Variants in ZFHX2 observed in about 807,000 individuals in gnomAD.
The protein encoded by ZFHX2 is zinc finger homeobox protein 2.
A neutral mutation model predicts 164.8 loss-of-function variants in ZFHX2; 75 were observed. The ratio of observed to expected loss-of-function variants is 0.46; its 90% CI spans 0.38 to 0.55. The LOEUF is 0.55. Among genes scored for constraint, ZFHX2 ranks in the 20% least tolerant of loss-of-function variants. The pLI, the probability that ZFHX2 is intolerant of heterozygous loss-of-function variation, is 0.00. For missense variants in ZFHX2, 2,933 were observed against 3,308.0 expected (o/e 0.89, Z 2.78); for synonymous variants, 1,217 against 1,351.4 (o/e 0.90, Z 2.18).
At position 23,524,954 on chromosome 14, in the gene ZFHX2, C is replaced by G. The variant is rs1566574320; in HGVS notation, c.4988G>C (p.Gly1663Ala). ...GCCGGAGGCTCCCCCAGTGCCTCCT[C>G]CGGTTGGCATGGACCCACCCTCACA... ...NACEGGSMPT[G>A]GGTGGASGCR... is the part of the protein sequence containing the mutation. Residue 1663 changes from glycine (G) to alanine (A), a missense_variant, in exon 9 of 10, where the codon GGA becomes GCA. Physicochemically the swap from Gly to Ala is moderately conservative, Grantham distance 60. Coordinates refer to ENST00000419474, the MANE Select transcript of ZFHX2 (RefSeq NM_033400.3). The surrounding 1 kb of genome is among the most constrained non-coding windows in gnomAD (Gnocchi z 5.6). 6.5e-7 allele frequency: 1 copy of G among 1,536,268 alleles called. No homozygotes were observed. The highest frequency in any genetic ancestry group is 8.7e-7 in the Non-Finnish European group (1 of 1,146,922).
Position 23,523,733 on chromosome 14 carries a change from G to A in ZFHX2, c.6209C>T (p.Thr2070Ile). 6.5e-7 allele frequency: 1 copy of A among 1,536,296 alleles called. No individual in the cohort carries two copies. The highest frequency in any genetic ancestry group is 8.7e-7 in the Non-Finnish European group (1 of 1,146,942). The change falls in exon 9 of 10, where the codon ACC becomes ATC. Residue 2070 changes from threonine to isoleucine, a missense_variant. Thr to Ile is a moderately conservative substitution (Grantham distance 89, BLOSUM62 -1). Coordinates refer to ENST00000419474, the MANE Select transcript of ZFHX2 (RefSeq NM_033400.3). This position sits in a 1 kb window ranked among gnomAD's most constrained non-coding sequence, Gnocchi z 4.1. ...PDGMGQRRYR[T>I]QMSSLQLKIM... ...CTTCAGCTGCAGGCTGCTCATCTGGGTCCTGTAGCGCCGCTGCCCCATTCC... is the reference window on the plus strand; with the variant it reads ...CTTCAGCTGCAGGCTGCTCATCTGGATCCTGTAGCGCCGCTGCCCCATTCC...
chr14:23,524,013 G>T lies in ZFHX2; in HGVS notation c.5929C>A (p.Pro1977Thr), dbSNP rs1284292142. ...PYPTATLASG[P>T]QPFLPPGKEA... ...TTCCCAGGTGGTAGGAAAGGCTGGGGCCCAGAAGCAAGCGTGGCAGTGGGG... is the reference window on the plus strand; with the variant it reads ...TTCCCAGGTGGTAGGAAAGGCTGGGTCCCAGAAGCAAGCGTGGCAGTGGGG... The change falls in exon 9 of 10, where the codon CCC (proline) becomes ACC (threonine). Residue 1977 changes from proline to threonine, a missense_variant. By Grantham distance (38) the Pro-to-Thr change is conservative. Transcript: ENST00000419474. This position sits in a 1 kb window ranked among gnomAD's most constrained non-coding sequence, Gnocchi z 5.6. 6.6e-7 allele frequency: 1 copy of T among 1,518,700 alleles called. No individual in the cohort carries two copies. Among genetic ancestry groups the T allele is most frequent in the Admixed American group, 2.0e-5 (1 of 49,342 alleles). 94.1% of individuals were successfully genotyped at this position (1,518,700 alleles called of 1,614,324 possible). A position where few individuals can be genotyped will look rare whatever the true frequency, so the allele number is the denominator to read the frequency against.
chr14:23,524,903 G>A lies in ZFHX2; in HGVS notation c.5039C>T (p.Ser1680Phe). 1 of 1,536,310 alleles carries A rather than the reference G, an allele frequency of 6.5e-7. No individual in the cohort carries two copies. Among genetic ancestry groups the A allele is most frequent in the Non-Finnish European group, 8.7e-7 (1 of 1,146,944 alleles). The stretch of plus-strand genomic sequence containing the variant: ...GTGGCGCACCAACTCAAAAACACAG[G>A]AGAAAGTGGCGTGGCAACGCCTGCA... Reference protein sequence around the residue: ...SGCRRCHATFSCVFELVRHLK... With the variant: ...SGCRRCHATFFCVFELVRHLK... The change falls in exon 9 of 10, where the codon TCC becomes TTC. Residue 1680 changes from serine to phenylalanine, a missense_variant. Coordinates refer to ENST00000419474, the MANE Select transcript of ZFHX2 (RefSeq NM_033400.3). This position sits in a 1 kb window ranked among gnomAD's most constrained non-coding sequence, Gnocchi z 5.6.
At chr14:23,527,503 C>G in intron 7 of ZFHX2, 101 bp downstream of exon 7, 1 of 1,440,698 alleles carries the variant, frequency 6.9e-7, no homozygotes. Context: ...TGCCCCCTGC[C>G]CCCAACACAT....
Position 23,521,888 on chromosome 14 carries a change from C to A in ZFHX2, c.*74G>T. The stretch of plus-strand genomic sequence containing the variant: ...CAGGGGGTGGGGTGAGGGATTTGAG[C>A]TCCCACCGAACACCCCTTGGGGTAA... On this transcript the variant is annotated 3_prime_UTR_variant, in exon 10 of 10. Transcript: ENST00000419474. 1.3e-6 allele frequency: 2 copies of A among 1,516,366 alleles called. No individual in the cohort carries two copies. The highest frequency in any genetic ancestry group is 2.0e-5 in the Admixed American group (1 of 48,910). The allele number at this position is 1,516,366 out of a possible 1,614,324, so 93.9% of individuals were successfully genotyped here.
upstream of ZFHX2, among the ~76,000 whole-genome samples, chr14:23,553,095 G>A (rs79722534): frequency 0.014 from 2,174 of 152,296 alleles, 31 homozygotes; most frequent in Non-Finnish European, 0.024. Flanking sequence ...CAATAAGTAA[G>A]TGACAGTGCC....
intron 1 of ZFHX2, among the ~76,000 whole-genome samples, chr14:23,549,492 T>G (rs1282405851): frequency 6.6e-6 from 1 of 152,140 alleles, no homozygotes; most frequent in Non-Finnish European, 1.5e-5. Flanking sequence ...CTAAATGAAC[T>G]TGGCTCCTTA....
In ZFHX2 at chr14:23,551,652, GCCTCCT is replaced by G. The variant is rs891960070; in HGVS notation, c.-365_-360del. 5 of 154,190 alleles carry G rather than the reference GCCTCCT, an allele frequency of 3.2e-5. No individual in the cohort carries two copies. Among genetic ancestry groups the G allele is most frequent in the East Asian group, 1.9e-4 (1 of 5,204 alleles). 9.6% of individuals were successfully genotyped at this position (154,190 alleles called of 1,614,324 possible). A position where few individuals can be genotyped will look rare whatever the true frequency, so the allele number is the denominator to read the frequency against. On this transcript the variant is annotated 5_prime_UTR_variant, in exon 1 of 10. Transcript: ENST00000419474. This position sits in a 1 kb window ranked among gnomAD's most constrained non-coding sequence, Gnocchi z 5.3. ...CACCCTGGGCACTCGCTCGCTCCCT[GCCTCCT>G]CCTCCTCCTCCTCCTTCTCCTCCTC...
rs557669555 is a variant in ZFHX2, at chr14:23,546,636, A to G, written c.-50+4707T>C. Among the ~76,000 whole-genome samples the G allele has an allele frequency of 3.5e-4, 53 of 152,292 alleles. No individual in the cohort carries two copies. In the South Asian group the frequency reaches 1.0e-2, roughly 29 times the overall value. On this transcript the variant is annotated intron_variant, in intron 1 of 9. Coordinates refer to ENST00000419474, the MANE Select transcript of ZFHX2 (RefSeq NM_033400.3). The surrounding 1 kb of genome is among the most constrained non-coding windows in gnomAD (Gnocchi z 4.7). Reference sequence around the variant, plus strand: ...GCCTGGGGAGGAGGGATGGGCAGGCAGTTCCCTAGGACTTTCCCCAGAGAG... The same window carrying G: ...GCCTGGGGAGGAGGGATGGGCAGGCGGTTCCCTAGGACTTTCCCCAGAGAG...
At chr14:23,544,703 TCTCGTTACA>T (rs1351852975) in intron 1 of ZFHX2, among the ~76,000 whole-genome samples, 2 of 152,120 alleles carry the variant, frequency 1.3e-5, no homozygotes, top group African/African-American at 4.8e-5. Context: ...ATGAGTGTGA[TCTCGTTACA>T]CTCTCGCTGC....
rs2138803939 is a variant in ZFHX2 at position 23,535,794 on chromosome 14, G to A, written c.-49-420C>T. On this transcript the variant is annotated intron_variant, in intron 1 of 9. Coordinates refer to ENST00000419474, the MANE Select transcript of ZFHX2 (RefSeq NM_033400.3). The surrounding 1 kb of genome is among the most constrained non-coding windows in gnomAD (Gnocchi z 4.5). ...TTTAGTAGAGACGGGGTTTCTCCGT[G>A]TTGGTCAGGCTGGTCTCTAACTCCC... 6.6e-6 allele frequency among the ~76,000 whole-genome samples: 1 copy of A among 152,182 alleles called. No homozygotes were observed. Among genetic ancestry groups the A allele is most frequent in the Middle Eastern group, 3.4e-3 (1 of 292 alleles).
intron 1 of ZFHX2, chr14:23,543,882 T>G (rs1881088650): frequency 6.6e-6 from 1 of 151,976 alleles, no homozygotes; most frequent in Non-Finnish European, 1.5e-5. Flanking sequence ...CAGACAGACC[T>G]GGAATCAAAT....
upstream of ZFHX2, among the ~76,000 whole-genome samples, chr14:23,553,523 CG>C (rs201873180): frequency 0.011 from 1,683 of 151,306 alleles, 39 homozygotes; most frequent in African/African-American, 0.039. Context: ...CGCTTGAACC[CG>C]GGGGGCAGAG....
upstream of ZFHX2, among the ~76,000 whole-genome samples, chr14:23,554,453 A>C (rs931688201): frequency 1.3e-5 from 2 of 151,960 alleles, no homozygotes; most frequent in African/African-American, 4.8e-5. Flanking sequence ...ATCGTAGCTC[A>C]CTGCCCTTGA....
Position 23,524,137 on chromosome 14 carries a change from G to A in ZFHX2, c.5805C>T (p.Ala1935=). ...PSPAVKPPAT[A]TPASLPKFNL... is the part of the protein sequence containing the mutation. ...TGAACTTGGGCAAGGATGCAGGGGT[G>A]GCTGTGGCAGGCGGTTTCACTGCTG... Residue 1935 remains alanine, a synonymous_variant, in exon 9 of 10, where the codon GCC becomes GCT. Coordinates refer to ENST00000419474, the MANE Select transcript of ZFHX2 (RefSeq NM_033400.3). This position sits in a 1 kb window ranked among gnomAD's most constrained non-coding sequence, Gnocchi z 5.6. 6.5e-7 allele frequency: 1 copy of A among 1,536,016 alleles called. No individual in the cohort carries two copies. The highest frequency in any genetic ancestry group is 8.7e-7 in the Non-Finnish European group (1 of 1,146,840).
At position 23,533,361 on chromosome 14, in the gene ZFHX2, G is replaced by C. The variant is rs1390036160; in HGVS notation, c.1965C>G (p.Asp655Glu). The C allele has an allele frequency of 1.4e-6, 2 of 1,445,086 alleles. No homozygotes were observed. Among genetic ancestry groups the C allele is most frequent in the African/African-American group, 2.9e-5 (2 of 69,938 alleles). The allele number at this position is 1,445,086 out of a possible 1,614,324, so 89.5% of individuals were successfully genotyped here. A position where few individuals can be genotyped will look rare whatever the true frequency, so the allele number is the denominator to read the frequency against. The part of the protein sequence containing the change: ...TPLAGPGLRP[D>E]KPLEAQLLLN... The stretch of plus-strand genomic sequence containing the variant: ...GAAGTAGCTGGGCTTCCAGGGGCTT[G>C]TCTGGCCTCAGCCCCGGGCCAGCCA... Residue 655 changes from aspartate (D) to glutamate (E), a missense_variant, in exon 2 of 10, where the codon GAC becomes GAG. Coordinates refer to ENST00000419474, the MANE Select transcript of ZFHX2 (RefSeq NM_033400.3). This position sits in a 1 kb window ranked among gnomAD's most constrained non-coding sequence, Gnocchi z 4.8.
rs201784840 is a variant in ZFHX2, at chr14:23,524,433, C to G, written c.5509G>C (p.Gly1837Arg). 1 of 1,536,060 alleles carries G rather than the reference C, an allele frequency of 6.5e-7. No homozygotes were observed. Among genetic ancestry groups the G allele is most frequent in the Non-Finnish European group, 8.7e-7 (1 of 1,146,802 alleles). The change falls in exon 9 of 10, where the codon GGC becomes CGC. Residue 1837 changes from glycine (G) to arginine (R), a missense_variant. By Grantham distance (125) the Gly-to-Arg change is moderately radical. Transcript: ENST00000419474. This position sits in a 1 kb window ranked among gnomAD's most constrained non-coding sequence, Gnocchi z 5.6. Reference sequence around the variant, plus strand: ...TCACTGCCTGTGGGAGACAAGCTGCCGTCCTCATGCTTCCGTTTGAGAGGT... The same window carrying G: ...TCACTGCCTGTGGGAGACAAGCTGCGGTCCTCATGCTTCCGTTTGAGAGGT... ...GPPLKRKHED[G>R]SLSPTGSEAG...
Position 23,534,166 on chromosome 14 carries a change from G to T in ZFHX2, c.1160C>A (p.Pro387His), listed in dbSNP as rs1566586039. The change falls in exon 2 of 10, where the codon CCC becomes CAC. Residue 387 changes from proline (P) to histidine (H), a missense_variant. Pro to His is a moderately conservative substitution (Grantham distance 77). Transcript: ENST00000419474. This position sits in a 1 kb window ranked among gnomAD's most constrained non-coding sequence, Gnocchi z 4.5. Reference protein sequence around the residue: ...EGQEEDGGLCPPLNQSSPTSK... With the variant: ...EGQEEDGGLCHPLNQSSPTSK... ...GGTGGGTGAGCTTTGGTTGAGTGGG[G>T]GGCAGAGCCCTCCATCCTCTTCTTG... 10 of 1,473,726 alleles carry T rather than the reference G, an allele frequency of 6.8e-6. No homozygotes were observed. In the East Asian group the frequency reaches 2.5e-4, roughly 36 times the overall value. 91.3% of individuals were successfully genotyped at this position (1,473,726 alleles called of 1,614,324 possible).
rs199765643 is a variant in ZFHX2 at position 23,535,600 on chromosome 14, AT to A, written c.-49-227del. On this transcript the variant is annotated intron_variant, in intron 1 of 9. Coordinates refer to ENST00000419474, the MANE Select transcript of ZFHX2 (RefSeq NM_033400.3). The surrounding 1 kb of genome is among the most constrained non-coding windows in gnomAD (Gnocchi z 4.5). ...TTTATTTTATTTTATTAATTAATTA[AT>A]TTTTTTTTGAGATGGAGTTTTGCTC... Among the ~76,000 whole-genome samples, 4 of 151,174 alleles carry A rather than the reference AT, an allele frequency of 2.6e-5. No homozygotes were observed. Among genetic ancestry groups the A allele is most frequent in the South Asian group, 4.2e-4 (2 of 4,776 alleles).
Sources: gnomAD v4.1 joint callset for allele counts (sites outside exome capture counted in the v4.1 genomes callset) on GRCh38, gnomAD v4.1.1 for gene constraint, Gnocchi (gnomAD v3.1) non-coding constraint, MANE v1.5 for transcripts, NCBI Gene and HGNC (gene_info 2026-07-23, HGNC 2026-07-21) for gene names.